Variants in NPIPA1 observed in about 807,000 individuals in gnomAD.
NPIPA1 encodes nuclear pore complex interacting protein family member A1.
For missense variants in NPIPA1, 22 were observed against 232.2 expected (o/e 0.09, Z 5.88); for synonymous variants, 7 against 88.0 (o/e 0.08, Z 5.15).
chr16:14,941,160 G>A (rs1181540846), intron 1 of NPIPA1, among the ~76,000 whole-genome samples: 26 of 151,512 alleles, frequency 1.7e-4, no homozygotes, highest in South Asian at 4.2e-4. Context: ...AAAAATGGCC[G>A]GGCACGGTGG....
At chr16:14,944,852 C>T (rs1965842793) in intron 2 of NPIPA1, among the ~76,000 whole-genome samples, 1 of 151,558 alleles carries the variant, frequency 6.6e-6, no homozygotes, top group South Asian at 2.1e-4. Flanking sequence ...GATTCACCCG[C>T]CTCGGCCTCC....
intron 2 of NPIPA1, among the ~76,000 whole-genome samples, chr16:14,945,119 G>A (rs1432608395): frequency 1.3e-5 from 2 of 148,406 alleles, no homozygotes; most frequent in African/African-American, 2.5e-5. Flanking sequence ...CCATGTTGGT[G>A]AGGCTGGTCT....
chr16:14,945,239 T>C (rs867698082), intron 2 of NPIPA1, among the ~76,000 whole-genome samples: 111 of 132,040 alleles, frequency 8.4e-4, no homozygotes, highest in South Asian at 3.8e-3. Context: ...TGTGTGTGTG[T>C]GTGTGTGTGT....
At chr16:14,946,735 C>T (rs1965897373) in intron 4 of NPIPA1, among the ~76,000 whole-genome samples, 1 of 139,370 alleles carries the variant, frequency 7.2e-6, no homozygotes, top group Non-Finnish European at 1.5e-5. Context: ...CACTCTGTCA[C>T]CCAGGCTAGA....
At chr16:14,941,535 A>G (rs1965754960) in intron 1 of NPIPA1, 1 of 145,058 alleles carries the variant, frequency 6.9e-6, no homozygotes, top group Non-Finnish European at 1.3e-5. Context: ...TGCTTCTTTT[A>G]ATATAGGCAG....
intron 1 of NPIPA1, among the ~76,000 whole-genome samples, chr16:14,941,161 G>C (rs1965743009): frequency 6.6e-6 from 1 of 151,554 alleles, no homozygotes; most frequent in Admixed American, 6.6e-5. Flanking sequence ...AAAATGGCCG[G>C]GCACGGTGGC....
At chr16:14,947,194 C>T (rs1965910489) in intron 4 of NPIPA1, among the ~76,000 whole-genome samples, 1 of 152,246 alleles carries the variant, frequency 6.6e-6, no homozygotes, top group Non-Finnish European at 1.5e-5. Flanking sequence ...TTGTATTTTG[C>T]TGCCATATGA....
At chr16:14,946,728 T>C (rs1332360897) in intron 4 of NPIPA1, among the ~76,000 whole-genome samples, 1 of 127,548 alleles carries the variant, frequency 7.8e-6, no homozygotes, top group African/African-American at 3.0e-5. Context: ...AGAGTCTCAC[T>C]CTGTCACCCA....
At chr16:14,947,761 T>C (rs1311779667) in intron 4 of NPIPA1, among the ~76,000 whole-genome samples, 2 of 152,370 alleles carry the variant, frequency 1.3e-5, no homozygotes, top group East Asian at 1.9e-4. Context: ...GATGCACTTA[T>C]GTCAACTCAA....
At chr16:14,940,417 G>T (rs1194935273) in intron 1 of NPIPA1, among the ~76,000 whole-genome samples, 1 of 152,168 alleles carries the variant, frequency 6.6e-6, no homozygotes, top group Admixed American at 6.5e-5. Flanking sequence ...CTAAAGAAAA[G>T]ATAACTACTG....
intron 1 of NPIPA1, among the ~76,000 whole-genome samples, chr16:14,940,319 G>A (rs1462304624): frequency 1.3e-5 from 2 of 149,988 alleles, no homozygotes; most frequent in East Asian, 2.0e-4. Context: ...TATAATCCAA[G>A]AGAGAAGTAT....
intron 2 of NPIPA1, among the ~76,000 whole-genome samples, chr16:14,943,202 G>C (rs1802458829): frequency 6.6e-6 from 1 of 152,000 alleles, no homozygotes; most frequent in Non-Finnish European, 1.5e-5. Flanking sequence ...TGTTGCCCAG[G>C]CTGGAGTATA....
chr16:14,938,744 T>G (rs1320481517), intron 1 of NPIPA1, among the ~76,000 whole-genome samples: 5 of 148,552 alleles, frequency 3.4e-5, no homozygotes, highest in Non-Finnish European at 4.5e-5. Flanking sequence ...TTTGATGACT[T>G]TTTTTTTTTT....
intron 2 of NPIPA1, among the ~76,000 whole-genome samples, chr16:14,943,251 G>GCTTCAAGTGATTCCCCTGC (rs2151078562): frequency 6.6e-6 from 1 of 151,864 alleles, no homozygotes; most frequent in South Asian, 2.1e-4. Flanking sequence ...CCACCTCCTG[G>GCTTCAAGTGATTCCCCTGC]CTTCAAGTGA....
At chr16:14,938,803 A>T (rs1446060594) in intron 1 of NPIPA1, among the ~76,000 whole-genome samples, 1 of 151,722 alleles carries the variant, frequency 6.6e-6, no homozygotes, top group Non-Finnish European at 1.5e-5. Flanking sequence ...CAGTGGCAAG[A>T]TCTCGGCTCA....
rs1208473728 is a variant in NPIPA1 at position 14,947,865 on chromosome 16, C to T, written c.438-1065C>T. 2.6e-5 allele frequency among the ~76,000 whole-genome samples: 4 copies of T among 151,982 alleles called. No homozygotes were observed. The South Asian group carries it at 8.3e-4, about 32-fold the overall frequency. ...GGAGTAGTGATGTCCTCACTGGCTT[C>T]TCATTTGCATTAAACTGTGAGCTTC... is the stretch of plus-strand genomic sequence containing the variant. On this transcript the variant is annotated intron_variant, in intron 4 of 7. Transcript: ENST00000328085.
chr16:14,947,075 C>G (rs1447543938), intron 4 of NPIPA1, among the ~76,000 whole-genome samples: 1 of 152,202 alleles, frequency 6.6e-6, no homozygotes, highest in Non-Finnish European at 1.5e-5. Flanking sequence ...GATCTGCCTA[C>G]CTCAGCCTCC....
At chr16:14,947,663 G>A (rs1168521414) in intron 4 of NPIPA1, among the ~76,000 whole-genome samples, 1 of 151,840 alleles carries the variant, frequency 6.6e-6, no homozygotes, top group Non-Finnish European at 1.5e-5. Context: ...TCTGTTTACT[G>A]CCATGTTAGC....
intron 4 of NPIPA1, among the ~76,000 whole-genome samples, chr16:14,947,843 G>T (rs1965929379): frequency 1.3e-5 from 2 of 152,102 alleles, no homozygotes; most frequent in Non-Finnish European, 2.9e-5. Flanking sequence ...CACAGCAGGA[G>T]TAGTGATGTC....
Sources: gnomAD v4.1 joint callset for allele counts (sites outside exome capture counted in the v4.1 genomes callset) on GRCh38, gnomAD v4.1.1 for gene constraint, MANE v1.5 for transcripts, NCBI Gene and HGNC (gene_info 2026-07-23, HGNC 2026-07-21) for gene names.